Variants in UBE3C observed in about 807,000 individuals in gnomAD.
UBE3C encodes ubiquitin protein ligase E3C.
A neutral mutation model predicts 129.4 loss-of-function variants in UBE3C; 42 were observed. The observed-to-expected ratio is 0.32, with a 90% CI of 0.25 to 0.42. The LOEUF (loss-of-function observed/expected upper bound fraction) is 0.42. UBE3C is among the 10% of genes least tolerant of loss of function. The pLI is 1.00. For synonymous variants in UBE3C, 510 were observed against 492.4 expected (o/e 1.04, Z -0.47); for missense variants, 1,049 against 1,319.1 (o/e 0.80, Z 3.17).
At chr7:157,188,501 T>C (rs1808869241) in intron 10 of UBE3C, among the ~76,000 whole-genome samples, 1 of 152,244 alleles carries the variant, frequency 6.6e-6, no homozygotes, top group Non-Finnish European at 1.5e-5. Flanking sequence ...GATCTGAGGA[T>C]CGCAGCAGCT....
intron 10 of UBE3C, chr7:157,197,557 A>G: frequency 7.7e-7 from 1 of 1,304,340 alleles, no homozygotes; most frequent in Non-Finnish European, 1.1e-6. Flanking sequence ...TTAATACGAC[A>G]CATCATCTGT....
At chr7:157,167,672 GACT>G (rs1808255164) in intron 2 of UBE3C, among the ~76,000 whole-genome samples, 3 of 151,976 alleles carry the variant, frequency 2.0e-5, no homozygotes, top group Admixed American at 2.0e-4. Flanking sequence ...TGGTAGCTGG[GACT>G]ATAGGCACCC....
Position 157,177,619 on chromosome 7 carries a change from C to T in UBE3C, c.459-1071C>T, listed in dbSNP as rs150582367. Among the ~76,000 whole-genome samples, 59 of 152,362 alleles carry T rather than the reference C, an allele frequency of 3.9e-4. No individual in the cohort carries two copies. The East Asian group carries it at 0.011, about 28-fold the overall frequency. On this transcript the variant is annotated intron_variant, in intron 5 of 22. Transcript: ENST00000348165. ...CTGCACTCGTACACCCCTCGAGAGACACCAGTGTGGTGCTGAGGGGAAAGT... is the reference window on the plus strand; with the variant it reads ...CTGCACTCGTACACCCCTCGAGAGATACCAGTGTGGTGCTGAGGGGAAAGT...
rs1808666798 is a variant in UBE3C at position 157,181,560 on chromosome 7, C to T, written c.659C>T (p.Pro220Leu). 6.2e-7 allele frequency: 1 copy of T among 1,612,254 alleles called. No homozygotes were observed. Among genetic ancestry groups the T allele is most frequent in the Non-Finnish European group, 8.5e-7 (1 of 1,179,492 alleles). ...SLYLLINSKL[P>L]SSIEYSDLSR... ...TATTTGTTGATTAACAGCAAGCTTC[C>T]ATCAAGTATTGAATATTCTGATTTA... Residue 220 changes from proline (P) to leucine (L), a missense_variant, in exon 7 of 23, where the codon CCA (proline) becomes CTA (leucine). This residue lies in a region of UBE3C where 489 missense variants were observed against 513.8 expected (regional missense o/e 0.95). Transcript: ENST00000348165.
intron 22 of UBE3C, among the ~76,000 whole-genome samples, chr7:157,266,660 C>T (rs1797085980): frequency 6.6e-6 from 1 of 152,266 alleles, no homozygotes; most frequent in East Asian, 1.9e-4. Context: ...TTAAAAACAG[C>T]TTTGTTTCTT....
chr7:157,249,219 A>G (rs1196093716), intron 19 of UBE3C, among the ~76,000 whole-genome samples: 1 of 152,124 alleles, frequency 6.6e-6, no homozygotes, highest in African/African-American at 2.4e-5. Flanking sequence ...TCTACAGAGC[A>G]ACCGTGCACC....
Position 157,265,775 on chromosome 7 carries a change from T to C in UBE3C, c.3082-1810T>C, listed in dbSNP as rs549884320. Among the ~76,000 whole-genome samples, 23 of 152,336 alleles carry C rather than the reference T, an allele frequency of 1.5e-4. No individual in the cohort carries two copies. In the South Asian group the frequency reaches 4.8e-3, roughly 32 times the overall value. ...TCATCTCTGGGAGCACTTAAGACGC[T>C]GAAGCGTTGGTTGCCAGTGGGAATG... On this transcript the variant is annotated intron_variant, in intron 22 of 22. Transcript: ENST00000348165.
intron 18 of UBE3C, among the ~76,000 whole-genome samples, chr7:157,240,696 G>A (rs55961058): frequency 0.062 from 9,441 of 152,212 alleles, 717 homozygotes; most frequent in African/African-American, 0.18. Context: ...CGTGAATGGA[G>A]ATTTGAGGGC....
intron 10 of UBE3C, among the ~76,000 whole-genome samples, chr7:157,190,316 A>C (rs1808921112): frequency 6.6e-6 from 1 of 151,840 alleles, no homozygotes; most frequent in Non-Finnish European, 1.5e-5. Context: ...CCCTCTTAAG[A>C]GCCTCCTCTT....
intron 13 of UBE3C, among the ~76,000 whole-genome samples, chr7:157,209,779 C>T (rs1200990993): frequency 6.6e-6 from 1 of 152,234 alleles, no homozygotes; most frequent in Non-Finnish European, 1.5e-5. Context: ...ATATTTTCCA[C>T]CCTGGCCTTA....
intron 13 of UBE3C, among the ~76,000 whole-genome samples, chr7:157,216,119 A>C (rs2051877): frequency 6.6e-6 from 1 of 152,074 alleles, no homozygotes; most frequent in Non-Finnish European, 1.5e-5. Flanking sequence ...TCTGGAGTTA[A>C]GATCACAGAT....
At position 157,169,059 on chromosome 7, in the gene UBE3C, A is replaced by G. The variant is rs950095535; in HGVS notation, c.132A>G (p.Arg44=). 6 of 1,613,762 alleles carry G rather than the reference A, an allele frequency of 3.7e-6. No individual in the cohort carries two copies. Among genetic ancestry groups the G allele is most frequent in the Non-Finnish European group, 4.2e-6 (5 of 1,179,812 alleles). ...EERRKREEER[R]RLKNAIIIQS... ...CTTTTATTGTTTAGGAAGAAAGGCG[A>G]AGGTTGAAAAATGCAATAATTATCC... The change falls in exon 3 of 23, where the codon CGA becomes CGG. Residue 44 remains arginine, a synonymous_variant. Transcript: ENST00000348165.
At chr7:157,262,311 A>G (rs188818156) in intron 22 of UBE3C, among the ~76,000 whole-genome samples, 190 of 150,402 alleles carry the variant, frequency 1.3e-3, no homozygotes, top group Non-Finnish European at 2.2e-3. Flanking sequence ...TTTAGCACAT[A>G]TTATATGCCA....
chr7:157,147,199 A>C (rs1807630131), intron 1 of UBE3C, among the ~76,000 whole-genome samples: 1 of 152,010 alleles, frequency 6.6e-6, no homozygotes, highest in African/African-American at 2.4e-5. Context: ...TAGTTCTTTT[A>C]TTTCTTTCAT....
intron 18 of UBE3C, among the ~76,000 whole-genome samples, chr7:157,244,233 C>T (rs1264304531): frequency 3.3e-5 from 5 of 151,292 alleles, no homozygotes; most frequent in African/African-American, 9.7e-5. Flanking sequence ...AACTCCGTCT[C>T]GAAAAAAAAG....
At chr7:157,239,323 T>C (rs966172121) in intron 18 of UBE3C, among the ~76,000 whole-genome samples, 13 of 152,120 alleles carry the variant, frequency 8.5e-5, no homozygotes, top group Non-Finnish European at 2.9e-5. Flanking sequence ...TAACATTGAG[T>C]TGAAGAATCC....
chr7:157,216,144 T>A (rs1423847784), intron 13 of UBE3C, among the ~76,000 whole-genome samples: 2 of 152,242 alleles, frequency 1.3e-5, no homozygotes, highest in African/African-American at 4.8e-5. Context: ...CTCCATTTGC[T>A]TACGTGAGGC....
At chr7:157,175,183 T>A in intron 5 of UBE3C, 149 bp downstream of exon 5, 1 of 467,538 alleles carries the variant, frequency 2.1e-6, no homozygotes, top group East Asian at 3.4e-5. Flanking sequence ...CTGTATATAT[T>A]ACAATTTTTA....
Position 157,174,989 on chromosome 7 carries a change from T to C in UBE3C, c.413T>C (p.Leu138Pro). The C allele has an allele frequency of 6.2e-7, 1 of 1,612,840 alleles. No individual in the cohort carries two copies. Among genetic ancestry groups the C allele is most frequent in the African/African-American group, 1.3e-5 (1 of 75,012 alleles). Residue 138 changes from leucine to proline, a missense_variant, in exon 5 of 23, where the codon CTT (leucine) becomes CCT (proline). Leu to Pro is a moderately conservative substitution (Grantham distance 98, BLOSUM62 -3). Coordinates refer to ENST00000348165, the MANE Select transcript of UBE3C (RefSeq NM_014671.3). ...AAGCAGTTGGATGGATCTGAGAGAC[T>C]TACATGCTTATTTCAGATAAAAAGA... ...FVKQLDGSER[L>P]TCLFQIKRLM...
Sources: allele counts gnomAD v4.1 joint callset (sites outside exome capture counted in the v4.1 genomes callset), GRCh38; gene constraint gnomAD v4.1.1; regional missense constraint gnomAD v4.1.1; transcripts MANE v1.5; gene names NCBI Gene and HGNC (gene_info 2026-07-23, HGNC 2026-07-21).